Variants in ARHGAP25 observed in about 807,000 individuals in gnomAD.
ARHGAP25 encodes the protein rho GTPase-activating protein 25.
In ARHGAP25, 34 loss-of-function variants were observed where a neutral mutation model predicts 71.0. The observed-to-expected ratio is 0.48, with a 90% CI of 0.36 to 0.64. The LOEUF (loss-of-function observed/expected upper bound fraction) is 0.64, where lower values mean the gene tolerates loss of function less well. Among genes scored for constraint, ARHGAP25 ranks in the 30% least tolerant of loss-of-function variants. The pLI, the probability that ARHGAP25 is intolerant of heterozygous loss-of-function variation, is 0.00. For synonymous variants in ARHGAP25, 282 were observed against 296.5 expected (o/e 0.95, Z 0.50); for missense variants, 706 against 805.1 (o/e 0.88, Z 1.49).
At chr2:68,802,194 G>A (rs1680012814) in intron 4 of ARHGAP25, among the ~76,000 whole-genome samples, 2 of 152,246 alleles carry the variant, frequency 1.3e-5, no homozygotes, top group Non-Finnish European at 2.9e-5. Flanking sequence ...AGATCACGAG[G>A]TCAGGAGATC....
rs1366832470 is a variant in ARHGAP25 at position 68,826,024 on chromosome 2, G to A, written c.1771G>A (p.Val591Met). 1.2e-6 allele frequency: 2 copies of A among 1,613,980 alleles called. No homozygotes were observed. The highest frequency in any genetic ancestry group is 1.7e-6 in the Non-Finnish European group (2 of 1,180,008). ...AAATTATGACGTTTGGGCTAAAGTGGTGAGGCTCAATGAAGAACTGGAGAA... is the reference window on the plus strand; with the variant it reads ...AAATTATGACGTTTGGGCTAAAGTGATGAGGCTCAATGAAGAACTGGAGAA... ...KENYDVWAKV[V>M]RLNEELEKEK... The change falls in exon 11 of 11, where the codon GTG (valine) becomes ATG (methionine). Residue 591 changes from valine to methionine, a missense_variant. Coordinates refer to ENST00000409202, the MANE Select transcript of ARHGAP25 (RefSeq NM_001007231.3).
intron 4 of ARHGAP25, among the ~76,000 whole-genome samples, chr2:68,801,144 GA>G (rs772418950): frequency 2.0e-5 from 3 of 152,110 alleles, no homozygotes; most frequent in Non-Finnish European, 4.4e-5. Context: ...TCTCATGTAA[GA>G]AGTGACACTG....
At chr2:68,780,643 C>T (rs1678264148) in intron 2 of ARHGAP25, among the ~76,000 whole-genome samples, 1 of 151,852 alleles carries the variant, frequency 6.6e-6, no homozygotes, top group Non-Finnish European at 1.5e-5. Context: ...CATTCTCCTC[C>T]TCCATTTGTT....
chr2:68,804,815 A>C (rs1680246454), intron 4 of ARHGAP25, among the ~76,000 whole-genome samples: 1 of 152,216 alleles, frequency 6.6e-6, no homozygotes. Flanking sequence ...TTAAAGACAA[A>C]TTGATTCATT....
chr2:68,728,871 A>T (rs1674942620), intron 2 of ARHGAP25, among the ~76,000 whole-genome samples: 1 of 152,252 alleles, frequency 6.6e-6, no homozygotes, highest in South Asian at 2.1e-4. Context: ...AAATGAACAG[A>T]TAAACAAAAT....
At position 68,788,109 on chromosome 2, in the gene ARHGAP25, T is replaced by C. The variant is rs188739127; in HGVS notation, c.466+153T>C. ...CCATGGCCAAGTGCTCTGTCAAATG[T>C]GGAGGAAAAGTGGGCTCAGAGCTTC... is the stretch of plus-strand genomic sequence containing the variant. On this transcript the variant is annotated intron_variant, in intron 4 of 10. Transcript: ENST00000409202. Among the ~76,000 whole-genome samples the C allele has an allele frequency of 3.7e-3, 564 of 152,302 alleles. 1 individual carries two copies. The highest frequency in any genetic ancestry group is 5.4e-3 in the Non-Finnish European group (366 of 68,022).
intron 6 of ARHGAP25, among the ~76,000 whole-genome samples, chr2:68,814,135 T>C (rs79713431): frequency 0.022 from 3,403 of 152,294 alleles, 61 homozygotes; most frequent in South Asian, 0.051. Context: ...CATGAAGAAG[T>C]TGATGTTTAT....
chr2:68,777,512 C>G (rs1211290015), intron 2 of ARHGAP25, among the ~76,000 whole-genome samples: 1 of 152,194 alleles, frequency 6.6e-6, no homozygotes, highest in African/African-American at 2.4e-5. Context: ...GCTTCTCCTC[C>G]TTACTTCTGG....
intron 2 of ARHGAP25, among the ~76,000 whole-genome samples, chr2:68,723,901 GCT>G (rs1354140180): frequency 6.6e-6 from 1 of 150,492 alleles, no homozygotes; most frequent in Non-Finnish European, 1.5e-5. Context: ...GGTGGGGCAG[GCT>G]CTCACTCGGT....
At chr2:68,825,083 A>G (rs1682016656) in intron 10 of ARHGAP25, among the ~76,000 whole-genome samples, 1 of 152,236 alleles carries the variant, frequency 6.6e-6, no homozygotes, top group African/African-American at 2.4e-5. Flanking sequence ...GCCAGTAACG[A>G]TTAAAATCCT....
intron 4 of ARHGAP25, among the ~76,000 whole-genome samples, chr2:68,791,547 C>A (rs965776767): frequency 4.0e-5 from 6 of 151,434 alleles, no homozygotes; most frequent in African/African-American, 1.5e-4. Flanking sequence ...GGTGCAAAGA[C>A]CTCCCTTGGA....
At position 68,782,359 on chromosome 2, in the gene ARHGAP25, G is replaced by A. The variant is rs1678402402; in HGVS notation, c.349+39G>A. On this transcript the variant is annotated intron_variant, in intron 3 of 10. Transcript: ENST00000409202. Reference sequence around the variant, plus strand: ...GGTAGGACAGAGGTGCAGTGCAGAAGTAAAATTCCCATTTTACTTCTGGAC... The same window carrying A: ...GGTAGGACAGAGGTGCAGTGCAGAAATAAAATTCCCATTTTACTTCTGGAC... 4 of 1,582,438 alleles carry A rather than the reference G, an allele frequency of 2.5e-6. No individual in the cohort carries two copies. In the African/African-American group the frequency reaches 5.4e-5, roughly 21 times the overall value.
At chr2:68,727,230 C>T (rs115731783) in intron 2 of ARHGAP25, among the ~76,000 whole-genome samples, 3,759 of 152,276 alleles carry the variant, frequency 0.025, 154 homozygotes, top group African/African-American at 0.084. Context: ...GAAATACAAG[C>T]GAGTGAAACT....
At chr2:68,798,184 C>A (rs1357148162) in intron 4 of ARHGAP25, among the ~76,000 whole-genome samples, 4 of 152,070 alleles carry the variant, frequency 2.6e-5, no homozygotes, top group Non-Finnish European at 5.9e-5. Flanking sequence ...TTGTTATATA[C>A]CTTGGATTTC....
At chr2:68,818,288 C>G (rs1681378067) in intron 8 of ARHGAP25, among the ~76,000 whole-genome samples, 1 of 152,128 alleles carries the variant, frequency 6.6e-6, no homozygotes. Context: ...ATACCCTTAG[C>G]CAGATTGAGC....
chr2:68,747,811 T>G (rs1223093744), intron 1 of ARHGAP25, among the ~76,000 whole-genome samples: 1 of 152,194 alleles, frequency 6.6e-6, no homozygotes, highest in Non-Finnish European at 1.5e-5. Context: ...CCACTCCAGA[T>G]CTAATCCACC....
chr2:68,749,693 G>C (rs1676044298), intron 1 of ARHGAP25, among the ~76,000 whole-genome samples: 1 of 152,128 alleles, frequency 6.6e-6, no homozygotes, highest in South Asian at 2.1e-4. Flanking sequence ...GCTGTCCTGG[G>C]GAGGTTTAAA....
At chr2:68,737,942 A>G (rs904018347) in intron 1 of ARHGAP25, among the ~76,000 whole-genome samples, 1 of 152,158 alleles carries the variant, frequency 6.6e-6, no homozygotes, top group Non-Finnish European at 1.5e-5. Context: ...TCAGAGCTGA[A>G]GAGGGTCTTG....
At chr2:68,768,878 A>G (rs1169895209) in intron 1 of ARHGAP25, among the ~76,000 whole-genome samples, 1 of 152,192 alleles carries the variant, frequency 6.6e-6, no homozygotes, top group Non-Finnish European at 1.5e-5. Context: ...TCTTGCTTCC[A>G]TGAATGGGTC....
Sources: gnomAD v4.1 joint callset for allele counts (sites outside exome capture counted in the v4.1 genomes callset) on GRCh38, gnomAD v4.1.1 for gene constraint, MANE v1.5 for transcripts, NCBI Gene and HGNC (gene_info 2026-07-23, HGNC 2026-07-21) for gene names.